Variants in ELP2 observed in about 807,000 individuals in gnomAD.
The protein encoded by ELP2 is elongator complex protein 2.
Under a neutral mutation model 119.2 loss-of-function variants are expected in ELP2, and 90 were observed. The ratio of observed to expected loss-of-function variants is 0.75; its 90% CI spans 0.64 to 0.90. The LOEUF (loss-of-function observed/expected upper bound fraction) is 0.90, where lower values mean the gene tolerates loss of function less well. ELP2 is among the 40% of genes least tolerant of loss of function. ELP2 has a pLI of 0.00. For missense variants in ELP2, 921 were observed against 967.8 expected (o/e 0.95, Z 0.64); for synonymous variants, 339 against 331.0 (o/e 1.02, Z -0.26).
intron 17 of ELP2, 136 bp downstream of exon 17, chr18:36,161,140 A>G: frequency 4.2e-6 from 3 of 705,916 alleles, no homozygotes; most frequent in Non-Finnish European, 7.8e-6. Flanking sequence ...TTACTTTCTC[A>G]ATTTCTCTTA....
chr18:36,164,692 G>A, intron 18 of ELP2, 25 bp downstream of exon 18: 1 of 1,607,822 alleles, frequency 6.2e-7, no homozygotes, highest in East Asian at 2.2e-5. Context: ...GATTGGGAAA[G>A]TTATTAGTGA....
intron 12 of ELP2, 77 bp from the exon 13 acceptor site, chr18:36,156,389 A>G (rs1364724482): frequency 7.3e-7 from 1 of 1,369,290 alleles, no homozygotes; most frequent in Non-Finnish European, 1.0e-6. Context: ...TGTATAGTAA[A>G]TAATTTTCAT....
intron 5 of ELP2, chr18:36,139,816 C>CT (rs1198308317): frequency 2.8e-6 from 1 of 363,312 alleles, no homozygotes; most frequent in Non-Finnish European, 4.8e-6. Flanking sequence ...ACAGTCACAT[C>CT]TTTCATAGCT....
chr18:36,130,433 CCAT>C (rs767818647), intron 1 of ELP2, among the ~76,000 whole-genome samples: 7 of 152,214 alleles, frequency 4.6e-5, no homozygotes, highest in Non-Finnish European at 1.0e-4. Context: ...TAGATTAAAA[CCAT>C]CATCCCACAG....
At chr18:36,131,835 A>C (rs1294056852) in intron 1 of ELP2, among the ~76,000 whole-genome samples, 3 of 151,648 alleles carry the variant, frequency 2.0e-5, no homozygotes, top group Non-Finnish European at 4.4e-5. Flanking sequence ...ATTTTAAATG[A>C]TAACCTGGTG....
intron 6 of ELP2, among the ~76,000 whole-genome samples, 157 bp from the exon 7 acceptor site, chr18:36,142,124 G>A (rs1279538402): frequency 6.6e-6 from 1 of 152,152 alleles, no homozygotes; most frequent in Admixed American, 6.5e-5. Flanking sequence ...TACGTGATGG[G>A]TTTTTCATTC....
chr18:36,132,274 C>T (rs550805683), intron 1 of ELP2, among the ~76,000 whole-genome samples: 4 of 152,162 alleles, frequency 2.6e-5, no homozygotes, highest in African/African-American at 4.8e-5. Flanking sequence ...AGCAAATCTT[C>T]GACGACCATC....
chr18:36,149,098 T>A (rs544971029), intron 11 of ELP2, among the ~76,000 whole-genome samples: 18 of 152,374 alleles, frequency 1.2e-4, no homozygotes, highest in Non-Finnish European at 2.2e-4. Flanking sequence ...GAGACTCTTA[T>A]GAGTTGTTAA....
intron 21 of ELP2, among the ~76,000 whole-genome samples, chr18:36,173,963 G>A (rs1425838037): frequency 6.6e-6 from 1 of 152,180 alleles, no homozygotes. Flanking sequence ...CACGCAGTTA[G>A]AGGTCACACT....
At chr18:36,131,401 C>G (rs1447864134) in intron 1 of ELP2, among the ~76,000 whole-genome samples, 3 of 152,238 alleles carry the variant, frequency 2.0e-5, no homozygotes, top group Admixed American at 2.0e-4. Flanking sequence ...TCTCCATCAT[C>G]TCCCACAGCG....
intron 11 of ELP2, among the ~76,000 whole-genome samples, chr18:36,153,771 A>G (rs943526928): frequency 1.3e-5 from 2 of 151,860 alleles, no homozygotes; most frequent in African/African-American, 4.8e-5. Context: ...CTTGTTTTTT[A>G]TATAGACTTT....
chr18:36,146,103 A>G, intron 10 of ELP2, 55 bp downstream of exon 10: 1 of 1,588,400 alleles, frequency 6.3e-7, no homozygotes, highest in Non-Finnish European at 8.6e-7. Context: ...CTCTGTATTT[A>G]AATCCCAAGT....
In ELP2 at chr18:36,162,234, C is replaced by T. The variant is rs868316915; in HGVS notation, c.1761+1230C>T. ...ACCTCTCCCTTTCCCCTCCTGCCTCCATCCCTAGGAAACCACTTGTCTGCT... is the reference window on the plus strand; with the variant it reads ...ACCTCTCCCTTTCCCCTCCTGCCTCTATCCCTAGGAAACCACTTGTCTGCT... On this transcript the variant is annotated intron_variant, in intron 17 of 21. Transcript: ENST00000358232. Among the ~76,000 whole-genome samples the T allele has an allele frequency of 1.4e-4, 22 of 152,314 alleles. No individual in the cohort carries two copies. In the Middle Eastern group the frequency reaches 0.01, roughly 71 times the overall value.
In ELP2 at chr18:36,177,316, A is replaced by T. The variant is rs975030516; in HGVS notation, c.*2675A>T. 2 of 152,242 alleles carry T rather than the reference A, an allele frequency of 1.3e-5. No homozygotes were observed. The highest frequency in any genetic ancestry group is 4.8e-5 in the African/African-American group (2 of 41,466). 9.4% of individuals were successfully genotyped at this position (152,242 alleles called of 1,614,324 possible). On this transcript the variant is annotated 3_prime_UTR_variant, in exon 22 of 22. Coordinates refer to ENST00000358232, the MANE Select transcript of ELP2 (RefSeq NM_018255.4). The stretch of plus-strand genomic sequence containing the variant: ...TGGTATATTCATACAGTGGAATATT[A>T]TTCAGCCTCTAAAAGGAAGATACGC...
chr18:36,167,040 C>T (rs2090928370), intron 18 of ELP2, 61 bp from the exon 19 acceptor site: 46 of 1,531,914 alleles, frequency 3.0e-5, no homozygotes, highest in Non-Finnish European at 4.0e-5. Context: ...AACATCACTT[C>T]CTAACAGGTA....
At chr18:36,159,549 G>A (rs766600573) in intron 14 of ELP2, among the ~76,000 whole-genome samples, 186 bp from the exon 15 acceptor site, 32 of 152,188 alleles carry the variant, frequency 2.1e-4, no homozygotes, top group Non-Finnish European at 3.5e-4. Context: ...GATTAATGCT[G>A]CCAGGAGCAT....
At chr18:36,164,780 G>C in intron 18 of ELP2, 113 bp downstream of exon 18, 1 of 1,046,952 alleles carries the variant, frequency 9.6e-7, no homozygotes, top group Non-Finnish European at 1.4e-6. Flanking sequence ...AGAGCCTCAT[G>C]TCTTTGAAGC....
At chr18:36,158,160 T>G (rs2090627580) in intron 13 of ELP2, among the ~76,000 whole-genome samples, 1 of 152,220 alleles carries the variant, frequency 6.6e-6, no homozygotes, top group Non-Finnish European at 1.5e-5. Flanking sequence ...AAATTCTTAC[T>G]ATTCATGTTT....
At chr18:36,134,143 T>C (rs551024162) in intron 2 of ELP2, among the ~76,000 whole-genome samples, 5 of 152,100 alleles carry the variant, frequency 3.3e-5, no homozygotes, top group Non-Finnish European at 5.9e-5. Context: ...ATTGCTTTTT[T>C]AGGCAAGACA....
Sources: allele counts gnomAD v4.1 joint callset (sites outside exome capture counted in the v4.1 genomes callset), GRCh38; gene constraint gnomAD v4.1.1; transcripts MANE v1.5; gene names NCBI Gene and HGNC (gene_info 2026-07-23, HGNC 2026-07-21).